SLC4A8: variants seen among roughly 807,000 people sequenced by gnomAD.
SLC4A8 encodes the protein electroneutral sodium bicarbonate exchanger 1.
Under a neutral mutation model 125.0 loss-of-function variants are expected in SLC4A8, and 40 were observed. The ratio of observed to expected loss-of-function variants is 0.32; its 90% CI spans 0.25 to 0.42. The LOEUF (loss-of-function observed/expected upper bound fraction) is 0.42. Among genes scored for constraint, SLC4A8 ranks in the 10% least tolerant of loss-of-function variants. The pLI, the probability that SLC4A8 is intolerant of heterozygous loss-of-function variation, is 1.00. For missense variants in SLC4A8, 863 were observed against 1,355.1 expected (o/e 0.64, Z 5.70); for synonymous variants, 456 against 476.0 (o/e 0.96, Z 0.55).
chr12:51,446,133 A>G (rs1004496875), intron 2 of SLC4A8, among the ~76,000 whole-genome samples: 3 of 152,238 alleles, frequency 2.0e-5, no homozygotes, highest in African/African-American at 4.8e-5. Flanking sequence ...GGAATCCCAC[A>G]TCTTAGCAGA....
chr12:51,483,913 G>A (rs1299765589), intron 16 of SLC4A8, among the ~76,000 whole-genome samples: 11 of 151,818 alleles, frequency 7.2e-5, no homozygotes, highest in South Asian at 2.1e-4. Context: ...AACAGGCCCC[G>A]GTGTGTGATG....
intron 10 of SLC4A8, among the ~76,000 whole-genome samples, chr12:51,463,088 C>T (rs1002927812): frequency 6.6e-6 from 1 of 151,894 alleles, no homozygotes; most frequent in African/African-American, 2.4e-5. Flanking sequence ...ATAGAGAGAG[C>T]AGATAGAATG....
In SLC4A8 at chr12:51,461,261, C is replaced by A; in HGVS notation, c.1071C>A (p.Gly357=). ...AAGGTCAGCAGTACCATGAGATTGGCAGATCCATGGCCACCATCATGACAG... is the reference window on the plus strand; with the variant it reads ...AAGGTCAGCAGTACCATGAGATTGGAAGATCCATGGCCACCATCATGACAG... ...VGKGQQYHEI[G]RSMATIMTDE... The change falls in exon 9 of 25, where the codon GGC becomes GGA. Residue 357 remains glycine (G), a synonymous_variant. Transcript: ENST00000453097. 6.2e-7 allele frequency: 1 copy of A among 1,611,244 alleles called. No individual in the cohort carries two copies. Among genetic ancestry groups the A allele is most frequent in the Non-Finnish European group, 8.5e-7 (1 of 1,177,554 alleles).
intron 3 of SLC4A8, 97 bp downstream of exon 3, chr12:51,451,119 T>C: frequency 1.9e-6 from 2 of 1,051,552 alleles, no homozygotes; most frequent in Non-Finnish European, 2.5e-6. Flanking sequence ...TCTTGATTCT[T>C]GAGCCTTTTT....
intron 21 of SLC4A8, 63 bp from the exon 22 acceptor site, chr12:51,496,924 G>T: frequency 6.5e-7 from 1 of 1,547,154 alleles, no homozygotes. Context: ...ATAAGGCTTT[G>T]CTTTTAAGTC....
intron 23 of SLC4A8, 93 bp from the exon 24 acceptor site, chr12:51,505,742 C>A (rs900546676): frequency 3.7e-6 from 2 of 533,778 alleles, no homozygotes; most frequent in Non-Finnish European, 6.6e-6. Context: ...CAAACCCCAT[C>A]TTCTCCCTTC....
chr12:51,408,872 C>T (rs12369067), intron 1 of SLC4A8, among the ~76,000 whole-genome samples: 86,210 of 151,870 alleles, frequency 0.57, 24,900 homozygotes, highest in East Asian at 0.76. Flanking sequence ...AGAGAAGGAG[C>T]GGGGAATGCA....
intron 16 of SLC4A8, among the ~76,000 whole-genome samples, chr12:51,478,051 A>G (rs1456812057): frequency 6.6e-6 from 1 of 152,160 alleles, no homozygotes; most frequent in African/African-American, 2.4e-5. Context: ...CGAGATGGGC[A>G]GATCACGAGG....
chr12:51,425,836 T>C (rs999475134), intron 1 of SLC4A8, among the ~76,000 whole-genome samples: 2 of 152,262 alleles, frequency 1.3e-5, no homozygotes, highest in African/African-American at 4.8e-5. Flanking sequence ...GGAATAGTTA[T>C]GTCTGCTTTG....
At chr12:51,393,118 T>G (rs1428586752) in intron 1 of SLC4A8, among the ~76,000 whole-genome samples, 2 of 152,030 alleles carry the variant, frequency 1.3e-5, no homozygotes, top group East Asian at 1.9e-4. Flanking sequence ...TCTTTTTCTC[T>G]TTCTTTCTCT....
At chr12:51,427,612 G>A (rs908425868) in intron 1 of SLC4A8, among the ~76,000 whole-genome samples, 4 of 152,130 alleles carry the variant, frequency 2.6e-5, no homozygotes, top group Non-Finnish European at 5.9e-5. Flanking sequence ...GGATGACTTG[G>A]GGGAGAGACA....
At chr12:51,402,735 A>T (rs1420166844) in intron 1 of SLC4A8, among the ~76,000 whole-genome samples, 1 of 152,192 alleles carries the variant, frequency 6.6e-6, no homozygotes, top group African/African-American at 2.4e-5. Flanking sequence ...AAAATAAAAA[A>T]TGAAAGCTAA....
chr12:51,498,430 G>A (rs1937667779), intron 22 of SLC4A8, among the ~76,000 whole-genome samples: 1 of 151,784 alleles, frequency 6.6e-6, no homozygotes, highest in South Asian at 2.1e-4. Flanking sequence ...GCAGCATCTG[G>A]ATTTTATGAA....
In SLC4A8 at chr12:51,450,591, A is replaced by G. The variant is rs566408024; in HGVS notation, c.131-285A>G. ...AATTGTCATTGTCATTGTCATAACA[A>G]TAACATCTGAATCAGCCTTTACAGT... is the stretch of plus-strand genomic sequence containing the variant. On this transcript the variant is annotated intron_variant, in intron 2 of 24. Coordinates refer to ENST00000453097, the MANE Select transcript of SLC4A8 (RefSeq NM_001039960.3). The G allele has an allele frequency of 4.3e-4, 155 of 357,694 alleles. No homozygotes were observed. The South Asian group carries it at 6.3e-3, about 15-fold the overall frequency. 22.2% of individuals were successfully genotyped at this position (357,694 alleles called of 1,614,324 possible).
chr12:51,489,859 C>T lies in SLC4A8; in HGVS notation c.2608C>T (p.Pro870Ser). The change falls in exon 19 of 25, where the codon CCC (proline) becomes TCC (serine). Residue 870 changes from proline (P) to serine (S), a missense_variant. Physicochemically the swap from Pro to Ser is moderately conservative, Grantham distance 74 (BLOSUM62 -1). Transcript: ENST00000453097. ...TGAATGCTCTGCTCCTGGAGAACAG[C>T]CCAAGTTCCTGGGCATCCGAGAACA... ...ESECSAPGEQ[P>S]KFLGIREQRV... The T allele has an allele frequency of 1.9e-6, 3 of 1,614,196 alleles. No homozygotes were observed. Among genetic ancestry groups the T allele is most frequent in the Non-Finnish European group, 2.5e-6 (3 of 1,180,024 alleles).
rs759859146 is a variant in SLC4A8, at chr12:51,452,233, A to T, written c.387A>T (p.Glu129Asp). ...ELDEICMKEG[E>D]DAEWKETARW... ...ATGAGATCTGTATGAAAGAGGGAGA[A>T]GATGCTGAGTGGAAGGAAACAGCCA... Residue 129 changes from glutamate (E) to aspartate (D), a missense_variant, in exon 4 of 25, where the codon GAA (glutamate) becomes GAT (aspartate). Physicochemically the swap from Glu to Asp is conservative, Grantham distance 45. Transcript: ENST00000453097. The T allele has an allele frequency of 3.7e-6, 6 of 1,614,192 alleles. No homozygotes were observed. In the South Asian group the frequency reaches 5.5e-5, roughly 15 times the overall value.
intron 22 of SLC4A8, among the ~76,000 whole-genome samples, chr12:51,503,157 A>G (rs1365160131): frequency 1.3e-5 from 2 of 150,504 alleles, no homozygotes; most frequent in East Asian, 4.0e-4. Flanking sequence ...GACGTCTTTC[A>G]GCAGTGCTTT....
At chr12:51,392,894 T>C (rs1462124842) in intron 1 of SLC4A8, 4 of 152,258 alleles carry the variant, frequency 2.6e-5, no homozygotes, top group African/African-American at 9.6e-5. Flanking sequence ...TGACTCCAAA[T>C]AGCCAATAAT....
chr12:51,452,540 G>A (rs555690707), intron 4 of SLC4A8, among the ~76,000 whole-genome samples: 36 of 152,296 alleles, frequency 2.4e-4, no homozygotes, highest in African/African-American at 8.4e-4. Context: ...GTAAGTTTAT[G>A]GGCTATCTTG....
Sources: allele counts gnomAD v4.1 joint callset (sites outside exome capture counted in the v4.1 genomes callset), GRCh38; gene constraint gnomAD v4.1.1; transcripts MANE v1.5; gene names NCBI Gene and HGNC (gene_info 2026-07-23, HGNC 2026-07-21).